MIPEP: variants seen among roughly 807,000 people sequenced by gnomAD.
MIPEP encodes the protein mitochondrial intermediate peptidase.
A neutral mutation model predicts 90.3 loss-of-function variants in MIPEP; 79 were observed. The ratio of observed to expected loss-of-function variants is 0.87; its 90% CI spans 0.73 to 1.05. The LOEUF is 1.05. Ranked by LOEUF, MIPEP falls within the 50% of genes least tolerant of loss-of-function variation. The probability of loss-of-function intolerance (pLI) is 0.00; values close to 1 mark genes in which losing one functional copy is unlikely to be tolerated. For synonymous variants in MIPEP, 334 were observed against 315.8 expected, an observed-to-expected ratio of 1.06 and a Z score of -0.61; for missense variants, 940 against 905.6, an observed-to-expected ratio of 1.04 and a Z score of -0.49.
intron 16 of MIPEP, among the ~76,000 whole-genome samples, chr13:23,789,272 A>G (rs1952877854): frequency 3.3e-5 from 5 of 152,214 alleles, no homozygotes. Context: ...AGAAGTTCAA[A>G]TCTACTACTC....
chr13:23,856,114 T>G (rs898534821), intron 10 of MIPEP, among the ~76,000 whole-genome samples: 9 of 152,246 alleles, frequency 5.9e-5, no homozygotes, highest in African/African-American at 2.2e-4. Flanking sequence ...CAAGACACAT[T>G]TAACATCCAG....
Position 23,798,458 on chromosome 13 carries a change from A to G in MIPEP, c.1848+7492T>C, listed in dbSNP as rs375197664. Among the ~76,000 whole-genome samples the G allele has an allele frequency of 7.5e-4, 114 of 152,322 alleles. No homozygotes were observed. The Middle Eastern group carries it at 0.014, about 18-fold the overall frequency. On this transcript the variant is annotated intron_variant, in intron 16 of 18. Coordinates refer to ENST00000382172, the MANE Select transcript of MIPEP (RefSeq NM_005932.4). Reference sequence around the variant, plus strand: ...TCAGGTATATCTGATTATGTCCCCAATAAGTCTGCAGCACACACCTACTCA... The same window carrying G: ...TCAGGTATATCTGATTATGTCCCCAGTAAGTCTGCAGCACACACCTACTCA...
chr13:23,844,532 C>T (rs150404500), intron 10 of MIPEP, among the ~76,000 whole-genome samples: 31 of 152,096 alleles, frequency 2.0e-4, no homozygotes, highest in African/African-American at 7.0e-4. Flanking sequence ...TCCCATAGAA[C>T]CTACTACCAA....
At chr13:23,810,046 T>C (rs1953154949) in intron 14 of MIPEP, 122 bp from the exon 15 acceptor site, 2 of 538,560 alleles carry the variant, frequency 3.7e-6, no homozygotes, top group South Asian at 6.3e-5. Context: ...TTCATTATAG[T>C]TTAAAAATAA....
At chr13:23,762,122 C>G (rs1952552535) in intron 16 of MIPEP, among the ~76,000 whole-genome samples, 1 of 151,444 alleles carries the variant, frequency 6.6e-6, no homozygotes. Flanking sequence ...AAGAATCTGT[C>G]TCAAAAAATA....
intron 18 of MIPEP, among the ~76,000 whole-genome samples, chr13:23,734,654 C>A (rs1952240416): frequency 6.6e-6 from 1 of 152,102 alleles, no homozygotes; most frequent in African/African-American, 2.4e-5. Context: ...ATAAACTGAA[C>A]CACACATGGA....
chr13:23,793,851 G>A (rs1387065908), intron 16 of MIPEP, among the ~76,000 whole-genome samples: 1 of 151,972 alleles, frequency 6.6e-6, no homozygotes, highest in African/African-American at 2.4e-5. Context: ...AGACTCCAGT[G>A]CCAAAGGAAG....
chr13:23,804,652 T>C (rs9510865), intron 16 of MIPEP, among the ~76,000 whole-genome samples: 33,726 of 152,090 alleles, frequency 0.22, 4,320 homozygotes, highest in East Asian at 0.46. Flanking sequence ...CGAAAACTAA[T>C]GACAAGAGGT....
intron 16 of MIPEP, among the ~76,000 whole-genome samples, chr13:23,800,752 A>G (rs1476573455): frequency 1.3e-5 from 2 of 152,214 alleles, no homozygotes; most frequent in Non-Finnish European, 2.9e-5. Flanking sequence ...GCAATTTTCC[A>G]AAGTATGACC....
At chr13:23,765,448 T>A (rs1952583277) in intron 16 of MIPEP, among the ~76,000 whole-genome samples, 2 of 152,210 alleles carry the variant, frequency 1.3e-5, no homozygotes, top group South Asian at 4.1e-4. Flanking sequence ...TGTGCCTAAT[T>A]TATAAATGTC....
At chr13:23,867,254 C>A (rs191634987) in intron 7 of MIPEP, among the ~76,000 whole-genome samples, 1 of 152,136 alleles carries the variant, frequency 6.6e-6, no homozygotes, top group East Asian at 1.9e-4. Flanking sequence ...TCCTTGCACA[C>A]GCTGCGCTTC....
chr13:23,780,607 T>G (rs1952771268), intron 16 of MIPEP, among the ~76,000 whole-genome samples: 1 of 152,220 alleles, frequency 6.6e-6, no homozygotes, highest in Admixed American at 6.5e-5. Flanking sequence ...GGATGGAGAA[T>G]GACTTTGATG....
intron 8 of MIPEP, 130 bp downstream of exon 8, chr13:23,864,011 G>T: frequency 1.9e-6 from 1 of 539,050 alleles, no homozygotes. Context: ...GTCTCATAGT[G>T]AGACAGGTCT....
intron 14 of MIPEP, among the ~76,000 whole-genome samples, chr13:23,832,565 T>A (rs1475960164): frequency 6.6e-6 from 1 of 152,114 alleles, no homozygotes; most frequent in African/African-American, 2.4e-5. Flanking sequence ...TGAGGCCACC[T>A]ATATATAATT....
At chr13:23,766,423 G>C (rs776698486) in intron 16 of MIPEP, among the ~76,000 whole-genome samples, 28 of 152,196 alleles carry the variant, frequency 1.8e-4, no homozygotes, top group Non-Finnish European at 3.1e-4. Flanking sequence ...TCCTGAGCTC[G>C]TCTTCATAGA....
At chr13:23,740,860 C>G (rs931574510) in intron 18 of MIPEP, among the ~76,000 whole-genome samples, 1 of 152,188 alleles carries the variant, frequency 6.6e-6, no homozygotes, top group African/African-American at 2.4e-5. Flanking sequence ...CTTGGGTCTC[C>G]CTGAAACTGG....
At chr13:23,741,748 T>C (rs1002777880) in intron 18 of MIPEP, among the ~76,000 whole-genome samples, 2 of 151,520 alleles carry the variant, frequency 1.3e-5, no homozygotes, top group African/African-American at 2.4e-5. Flanking sequence ...TAATATAATT[T>C]GTACAAAAAG....
chr13:23,876,834 T>C (rs922476791), intron 4 of MIPEP, among the ~76,000 whole-genome samples: 9 of 152,214 alleles, frequency 5.9e-5, no homozygotes, highest in African/African-American at 1.2e-4. Context: ...AGTAGTTTTA[T>C]AATTTCTTTT....
chr13:23,869,506 C>T (rs74965423), intron 6 of MIPEP, 58 bp from the exon 7 acceptor site: 68,209 of 1,433,932 alleles, frequency 0.048, 1,902 homozygotes, highest in Non-Finnish European at 0.057. Flanking sequence ...TCCTATGCAA[C>T]AATAACACAG....
Sources: allele counts gnomAD v4.1 joint callset (sites outside exome capture counted in the v4.1 genomes callset), GRCh38; gene constraint gnomAD v4.1.1; transcripts MANE v1.5; gene names NCBI Gene and HGNC (gene_info 2026-07-23, HGNC 2026-07-21).